The following ADGRB1 variants were observed in gnomAD, a reference collection of about 807,000 sequenced individuals.
ADGRB1 encodes adhesion G protein-coupled receptor B1.
Under a neutral mutation model 175.7 loss-of-function variants are expected in ADGRB1, and 36 were observed. The observed-to-expected ratio is 0.20, with a 90% CI of 0.16 to 0.27. The LOEUF (loss-of-function observed/expected upper bound fraction) is 0.27. Among genes scored for constraint, ADGRB1 ranks in the 10% least tolerant of loss-of-function variants. The pLI is 1.00. For synonymous variants in ADGRB1, 1,054 were observed against 979.4 expected (o/e 1.08, Z -1.42); for missense variants, 1,731 against 2,255.3 (o/e 0.77, Z 4.71).
At chr8:142,528,435 C>T (rs1335606706) in intron 24 of ADGRB1, among the ~76,000 whole-genome samples, 7 of 152,196 alleles carry the variant, frequency 4.6e-5, no homozygotes, top group African/African-American at 1.7e-4. Flanking sequence ...CTGTTGGGGC[C>T]CAGGCTGGAC....
intron 17 of ADGRB1, among the ~76,000 whole-genome samples, chr8:142,502,743 A>G (rs1330677079): frequency 6.6e-6 from 1 of 151,362 alleles, no homozygotes; most frequent in Non-Finnish European, 1.5e-5. Context: ...TGGTTGTGAT[A>G]TAGTGGCAGA....
chr8:142,543,666 C>G lies in ADGRB1; in HGVS notation c.4515C>G (p.His1505Gln), dbSNP rs757570335. ...AGGACCTGAACCGGAAGCTGCAGCA[C>G]GCAGCGGAGAAGGACAAGGAGGTGC... ...MFQDLNRKLQHAAEKDKEVLG... is the reference protein window; with the variant it reads ...MFQDLNRKLQQAAEKDKEVLG... The change falls in exon 30 of 31, where the codon CAC becomes CAG. Residue 1505 changes from histidine to glutamine, a missense_variant. By Grantham distance (24) the His-to-Gln change is conservative. Coordinates refer to ENST00000517894, the MANE Select transcript of ADGRB1 (RefSeq NM_001702.3). The surrounding 1 kb of genome is among the most constrained non-coding windows in gnomAD (Gnocchi z 4.4). 2.6e-6 allele frequency: 4 copies of G among 1,563,194 alleles called. No individual in the cohort carries two copies. Among genetic ancestry groups the G allele is most frequent in the Admixed American group, 3.8e-5 (2 of 52,664 alleles).
intron 17 of ADGRB1, among the ~76,000 whole-genome samples, chr8:142,496,781 G>A (rs1444142961): frequency 6.6e-6 from 1 of 152,100 alleles, no homozygotes; most frequent in African/African-American, 2.4e-5. Context: ...CTACCCTAGC[G>A]TTTATGGGGT....
chr8:142,526,837 C>T (rs1363682564), intron 24 of ADGRB1, among the ~76,000 whole-genome samples: 1 of 152,236 alleles, frequency 6.6e-6, no homozygotes, highest in East Asian at 1.9e-4. Context: ...CTCCATCTGA[C>T]CTGGACAGGG....
chr8:142,485,143 G>A (rs4074759), intron 13 of ADGRB1, among the ~76,000 whole-genome samples: 37,493 of 152,126 alleles, frequency 0.25, 5,381 homozygotes, highest in African/African-American at 0.38. Context: ...TGCCAGAGGG[G>A]CCTGGACTCC....
At position 142,541,924 on chromosome 8, in the gene ADGRB1, C is replaced by T. The variant is rs1396785194; in HGVS notation, c.3707-17C>T. On this transcript the variant is annotated splice_polypyrimidine_tract_variant and intron_variant, in intron 27 of 30. Coordinates refer to ENST00000517894, the MANE Select transcript of ADGRB1 (RefSeq NM_001702.3). Reference sequence around the variant, plus strand: ...CCCCCACACCTGTCCCCGCTGTCTCCCCCGCGGCCCCTGCAGTGCTGAACA... The same window carrying T: ...CCCCCACACCTGTCCCCGCTGTCTCTCCCGCGGCCCCTGCAGTGCTGAACA... 6.5e-7 allele frequency: 1 copy of T among 1,531,286 alleles called. No homozygotes were observed. Among genetic ancestry groups the T allele is most frequent in the South Asian group, 1.2e-5 (1 of 82,958 alleles). 94.9% of individuals were successfully genotyped at this position (1,531,286 alleles called of 1,614,324 possible). A position where few individuals can be genotyped will look rare whatever the true frequency, so the allele number is the denominator to read the frequency against.
At position 142,493,476 on chromosome 8, in the gene ADGRB1, C is replaced by T. The variant is rs902444180; in HGVS notation, c.2675+2661C>T. Among the ~76,000 whole-genome samples, 3 of 152,158 alleles carry T rather than the reference C, an allele frequency of 2.0e-5. No homozygotes were observed. The highest frequency in any genetic ancestry group is 4.4e-5 in the Non-Finnish European group (3 of 68,028). ...GACCCGCCAGTCACACCAGGTGTTCCACCCACCCCGTCACCGGCTGGGTGC... is the reference window on the plus strand; with the variant it reads ...GACCCGCCAGTCACACCAGGTGTTCTACCCACCCCGTCACCGGCTGGGTGC... On this transcript the variant is annotated intron_variant, in intron 17 of 30. Coordinates refer to ENST00000517894, the MANE Select transcript of ADGRB1 (RefSeq NM_001702.3). This position sits in a 1 kb window ranked among gnomAD's most constrained non-coding sequence, Gnocchi z 5.0.
intron 17 of ADGRB1, among the ~76,000 whole-genome samples, chr8:142,501,913 G>A (rs1479105919): frequency 3.5e-5 from 1 of 28,272 alleles, no homozygotes. Flanking sequence ...TGGTGATGGT[G>A]GTGGCGGTGA....
At chr8:142,467,146 G>A in intron 2 of ADGRB1, among the ~76,000 whole-genome samples, 1 of 152,226 alleles carries the variant, frequency 6.6e-6, no homozygotes, top group Admixed American at 6.5e-5. Context: ...TCCTCACTGG[G>A]CACCTACTGA....
intron 18 of ADGRB1, among the ~76,000 whole-genome samples, chr8:142,517,410 C>T (rs998260449): frequency 4.6e-5 from 7 of 152,228 alleles, no homozygotes; most frequent in Non-Finnish European, 7.3e-5. Context: ...GGCAGAGGTG[C>T]CCTCCAGTGC....
chr8:142,464,275 G>C lies in ADGRB1; in HGVS notation c.77G>C (p.Arg26Pro). 1 of 1,360,390 alleles carries C rather than the reference G, an allele frequency of 7.4e-7. No homozygotes were observed. Among genetic ancestry groups the C allele is most frequent in the Admixed American group, 4.0e-5 (1 of 24,782 alleles). 84.3% of individuals were successfully genotyped at this position (1,360,390 alleles called of 1,614,324 possible). ...PLLLLLLLLG[R>P]RARAAAGADA... ...CTACTGCTGCTGCTGCTGCTGGGAC[G>C]CCGCGCGCGGGCGGCCGCCGGAGCA... is the stretch of plus-strand genomic sequence containing the variant. Residue 26 changes from arginine to proline, a missense_variant, in exon 2 of 31, where the codon CGC (arginine) becomes CCC (proline). By Grantham distance (103) the Arg-to-Pro change is moderately radical. Coordinates refer to ENST00000517894, the MANE Select transcript of ADGRB1 (RefSeq NM_001702.3).
chr8:142,521,505 G>A (rs1054165679), intron 20 of ADGRB1, among the ~76,000 whole-genome samples: 3 of 152,246 alleles, frequency 2.0e-5, no homozygotes, highest in African/African-American at 4.8e-5. Flanking sequence ...AATAAAGCAA[G>A]AGGGCCCGCA....
At chr8:142,521,068 G>A in intron 20 of ADGRB1, 143 bp downstream of exon 20, 1 of 758,092 alleles carries the variant, frequency 1.3e-6, no homozygotes, top group South Asian at 1.8e-5. Flanking sequence ...CCAGCTACAG[G>A]GAGTTCCCTG....
rs745804179 is a variant in ADGRB1, at chr8:142,542,380, G to C, written c.4146G>C (p.Thr1382=). The part of the protein sequence containing the change: ...MPQTRLIHLS[T]APEASLPARS... Reference sequence around the variant, plus strand: ...AGACCCGCCTCATCCACCTCAGCACGGCCCCCGAGGCCAGCCTCCCCGCCC... The same window carrying C: ...AGACCCGCCTCATCCACCTCAGCACCGCCCCCGAGGCCAGCCTCCCCGCCC... Residue 1382 remains threonine, a synonymous_variant, in exon 28 of 31, where the codon ACG becomes ACC. Coordinates refer to ENST00000517894, the MANE Select transcript of ADGRB1 (RefSeq NM_001702.3). This position sits in a 1 kb window ranked among gnomAD's most constrained non-coding sequence, Gnocchi z 6.3. 2.3e-5 allele frequency: 36 copies of C among 1,566,802 alleles called. No individual in the cohort carries two copies. Among genetic ancestry groups the C allele is most frequent in the South Asian group, 2.3e-5 (2 of 86,022 alleles).
chr8:142,475,660 A>G (rs1311106604), intron 3 of ADGRB1, 25 bp downstream of exon 3: 3 of 1,182,184 alleles, frequency 2.5e-6, no homozygotes, highest in African/African-American at 1.7e-5. Flanking sequence ...GGCGGGGCGG[A>G]GCCGGAGCCC....
At chr8:142,525,944 T>C (rs1268466185) in intron 23 of ADGRB1, among the ~76,000 whole-genome samples, 1 of 152,104 alleles carries the variant, frequency 6.6e-6, no homozygotes, top group African/African-American at 2.4e-5. Context: ...GACCCCAGGA[T>C]GCTCAGGGCC....
chr8:142,486,847 T>A (rs141308220), intron 13 of ADGRB1, among the ~76,000 whole-genome samples: 1 of 151,796 alleles, frequency 6.6e-6, no homozygotes, highest in Admixed American at 6.6e-5. Context: ...AGTGGGACCC[T>A]GTCTCTACAA....
At chr8:142,495,822 G>A (rs1283534372) in intron 17 of ADGRB1, among the ~76,000 whole-genome samples, 9 of 151,704 alleles carry the variant, frequency 5.9e-5, no homozygotes, top group Admixed American at 3.3e-4. Flanking sequence ...AATCATATTC[G>A]TAGGTTCTGG....
intron 22 of ADGRB1, 62 bp from the exon 23 acceptor site, chr8:142,524,176 G>T (rs533920920): frequency 1.3e-6 from 2 of 1,535,310 alleles, no homozygotes; most frequent in African/African-American, 2.7e-5. Context: ...TGAGAGGCCG[G>T]CAGCACCTCT....
Sources: allele counts gnomAD v4.1 joint callset (sites outside exome capture counted in the v4.1 genomes callset), GRCh38; gene constraint gnomAD v4.1.1; non-coding constraint Gnocchi (gnomAD v3.1); transcripts MANE v1.5; gene names NCBI Gene and HGNC (gene_info 2026-07-23, HGNC 2026-07-21).